The following KLHDC1 variants were observed in gnomAD, a reference collection of about 807,000 sequenced individuals.
The protein encoded by KLHDC1 is kelch domain-containing protein 1.
A neutral mutation model predicts 68.3 loss-of-function variants in KLHDC1; 53 were observed. That is an observed-to-expected ratio of 0.78 (90% CI 0.62 to 0.98). KLHDC1 has a LOEUF of 0.98. Among genes scored for constraint, KLHDC1 ranks in the 50% least tolerant of loss-of-function variants. KLHDC1 has a pLI of 0.00. For synonymous variants in KLHDC1, 148 were observed against 159.0 expected, an observed-to-expected ratio of 0.93 and a Z score of 0.52; for missense variants, 470 against 492.3, an observed-to-expected ratio of 0.95 and a Z score of 0.43.
intron 1 of KLHDC1, among the ~76,000 whole-genome samples, chr14:49,702,949 G>T (rs1887949515): frequency 6.6e-6 from 1 of 152,160 alleles, no homozygotes; most frequent in African/African-American, 2.4e-5. Flanking sequence ...TGCTCTCTTG[G>T]CATGGTTTCA....
intron 1 of KLHDC1, among the ~76,000 whole-genome samples, chr14:49,695,116 A>ATGTGTGTGTG (rs71115393): frequency 0.42 from 59,843 of 141,904 alleles, 13,644 homozygotes; most frequent in Non-Finnish European, 0.53. Context: ...TGCAGTTTTG[A>ATGTGTGTGTG]TGTGTGTGTG....
chr14:49,703,938 A>C (rs1467909887), intron 1 of KLHDC1, among the ~76,000 whole-genome samples: 1 of 152,186 alleles, frequency 6.6e-6, no homozygotes, highest in Non-Finnish European at 1.5e-5. Context: ...TTGTATATTC[A>C]CAAGGGCATG....
chr14:49,750,871 A>G (rs1027609521), intron 12 of KLHDC1: 2 of 152,184 alleles, frequency 1.3e-5, no homozygotes, highest in Non-Finnish European at 2.9e-5. Flanking sequence ...GTCTCTTGGC[A>G]CTTCCTGTAT....
At chr14:49,742,672 TAA>T (rs373370360) in intron 11 of KLHDC1, among the ~76,000 whole-genome samples, 21 of 72,052 alleles carry the variant, frequency 2.9e-4, no homozygotes, top group Admixed American at 3.4e-4. Flanking sequence ...GACTCCGTCC[TAA>T]AAAAAAAAAA....
intron 11 of KLHDC1, among the ~76,000 whole-genome samples, chr14:49,742,690 A>G (rs866164762): frequency 2.4e-4 from 36 of 149,188 alleles, no homozygotes; most frequent in South Asian, 6.3e-4. Flanking sequence ...AAAAAAAAAA[A>G]AGAGAATTCC....
intron 8 of KLHDC1, among the ~76,000 whole-genome samples, chr14:49,732,003 A>G (rs1039549138): frequency 6.6e-6 from 1 of 152,216 alleles, no homozygotes; most frequent in Admixed American, 6.5e-5. Context: ...AAACAACAAT[A>G]TAAAAACCCA....
intron 4 of KLHDC1, among the ~76,000 whole-genome samples, chr14:49,723,493 A>G (rs1035522950): frequency 1.3e-5 from 2 of 152,070 alleles, no homozygotes; most frequent in African/African-American, 4.8e-5. Context: ...GATCATGTTC[A>G]TGCCACTGCA....
chr14:49,724,553 A>G (rs1029594020), intron 5 of KLHDC1, among the ~76,000 whole-genome samples: 7 of 150,696 alleles, frequency 4.6e-5, no homozygotes, highest in African/African-American at 9.7e-5. Flanking sequence ...ATATATGTGT[A>G]TATATATATA....
At chr14:49,742,578 C>T (rs1889089308) in intron 11 of KLHDC1, among the ~76,000 whole-genome samples, 1 of 150,654 alleles carries the variant, frequency 6.6e-6, no homozygotes, top group Non-Finnish European at 1.5e-5. Context: ...GAGGCTGAGG[C>T]AAGAGAATCA....
intron 12 of KLHDC1, among the ~76,000 whole-genome samples, chr14:49,749,123 T>C (rs1049312417): frequency 2.0e-5 from 3 of 152,054 alleles, no homozygotes; most frequent in African/African-American, 7.2e-5. Flanking sequence ...ATATAAATCA[T>C]TTATATAATG....
chr14:49,713,623 TG>T (rs1211888106), intron 4 of KLHDC1, among the ~76,000 whole-genome samples: 1 of 151,128 alleles, frequency 6.6e-6, no homozygotes, highest in Admixed American at 6.6e-5. Context: ...TAGTGGCTCT[TG>T]CCTATAATCC....
intron 1 of KLHDC1, among the ~76,000 whole-genome samples, chr14:49,706,309 G>A (rs1015470709): frequency 6.6e-6 from 1 of 152,094 alleles, no homozygotes. Context: ...TAAATAACAG[G>A]ATCTCATTCT....
At chr14:49,743,573 A>G (rs1469873650) in intron 11 of KLHDC1, among the ~76,000 whole-genome samples, 180 bp from the exon 12 acceptor site, 1 of 152,202 alleles carries the variant, frequency 6.6e-6, no homozygotes, top group African/African-American at 2.4e-5. Flanking sequence ...TAGCAGGTAT[A>G]TGTATGTACA....
At chr14:49,699,654 T>C (rs1887845375) in intron 1 of KLHDC1, among the ~76,000 whole-genome samples, 1 of 152,192 alleles carries the variant, frequency 6.6e-6, no homozygotes, top group Admixed American at 6.6e-5. Context: ...ACATATGTTC[T>C]AAAGCTCACC....
In KLHDC1 at chr14:49,710,359, T is replaced by A; in HGVS notation, c.382T>A (p.Ser128Thr). 1 of 1,599,674 alleles carries A rather than the reference T, an allele frequency of 6.3e-7. No individual in the cohort carries two copies. The highest frequency in any genetic ancestry group is 8.6e-7 in the Non-Finnish European group (1 of 1,167,236). Residue 128 changes from serine to threonine, a missense_variant, in exon 4 of 13, where the codon TCC becomes ACC. Transcript: ENST00000359332. ...GQPPTPRDKL[S>T]CWVYKDRLIY... ...ACCACCTACACCACGTGATAAACTTTCCTGCTGGGTATATAAAGACAGGTA... is the reference window on the plus strand; with the variant it reads ...ACCACCTACACCACGTGATAAACTTACCTGCTGGGTATATAAAGACAGGTA...
intron 6 of KLHDC1, among the ~76,000 whole-genome samples, chr14:49,728,103 C>T (rs1158300300): frequency 1.3e-5 from 2 of 152,172 alleles, no homozygotes; most frequent in South Asian, 2.1e-4. Flanking sequence ...AGGCAGATCG[C>T]TCGAGGCCAG....
intron 9 of KLHDC1, 42 bp downstream of exon 9, chr14:49,732,858 T>C (rs1054026132): frequency 1.0e-6 from 1 of 972,778 alleles, no homozygotes; most frequent in Non-Finnish European, 1.6e-6. Context: ...TATCTCATTC[T>C]TTTTTCTTAA....
intron 1 of KLHDC1, among the ~76,000 whole-genome samples, chr14:49,703,809 A>G (rs1887971844): frequency 6.6e-6 from 1 of 152,204 alleles, no homozygotes; most frequent in Non-Finnish European, 1.5e-5. Context: ...CATTTGATGT[A>G]TATCCTGTAT....
intron 4 of KLHDC1, among the ~76,000 whole-genome samples, chr14:49,723,290 T>C (rs1225078679): frequency 1.3e-5 from 2 of 151,842 alleles, no homozygotes; most frequent in Non-Finnish European, 2.9e-5. Flanking sequence ...CCCAGCACTT[T>C]GGGAGGCCAG....
Sources: allele counts gnomAD v4.1 joint callset (sites outside exome capture counted in the v4.1 genomes callset), GRCh38; gene constraint gnomAD v4.1.1; transcripts MANE v1.5; gene names NCBI Gene and HGNC (gene_info 2026-07-23, HGNC 2026-07-21).